Variants in ROR2 observed in about 807,000 individuals in gnomAD.
The protein encoded by ROR2 is tyrosine-protein kinase transmembrane receptor ROR2.
In ROR2, 33 loss-of-function variants were observed where a neutral mutation model predicts 74.9. The observed-to-expected ratio is 0.44, with a 90% CI of 0.33 to 0.59. ROR2 has a LOEUF of 0.59. ROR2 is among the 20% of genes least tolerant of loss of function. The probability of loss-of-function intolerance (pLI) is 0.02; values close to 1 mark genes in which losing one functional copy is unlikely to be tolerated. For synonymous variants in ROR2, 586 were observed against 558.7 expected (o/e 1.05, Z -0.69); for missense variants, 1,216 against 1,313.8 (o/e 0.93, Z 1.15).
At chr9:91,909,239 G>A (rs1830891974) in intron 1 of ROR2, among the ~76,000 whole-genome samples, 1 of 152,106 alleles carries the variant, frequency 6.6e-6, no homozygotes, top group South Asian at 2.1e-4. Flanking sequence ...TCAGGAGTGG[G>A]GTGCATGATG....
Position 91,724,210 on chromosome 9 carries a change from A to C in ROR2, c.2284T>G (p.Ser762Ala). 6.2e-7 allele frequency: 1 copy of C among 1,613,184 alleles called. No homozygotes were observed. The change falls in exon 9 of 9, where the codon TCG (serine) becomes GCG (alanine). Residue 762 changes from serine to alanine, a missense_variant. Transcript: ENST00000375708. ...LSNYNSSAQT[S>A]GASNTTQTSS... is the part of the protein sequence containing the mutation. ...GTCTGCGTGGTGTTGCTGGCCCCCG[A>C]GGTCTGCGCCGAGCTGTTGTAGTTG...
chr9:91,758,530 T>G (rs1481687097), intron 2 of ROR2, among the ~76,000 whole-genome samples: 1 of 152,168 alleles, frequency 6.6e-6, no homozygotes, highest in Admixed American at 6.5e-5. Flanking sequence ...GAGGGGGAGC[T>G]GAAGGCTTTG....
chr9:91,917,544 G>T (rs1831167229), intron 1 of ROR2, among the ~76,000 whole-genome samples: 4 of 152,196 alleles, frequency 2.6e-5, no homozygotes, highest in Admixed American at 2.6e-4. Context: ...AAAAGGAAAT[G>T]TGCTAGAAAC....
In ROR2 at chr9:91,950,084, T is replaced by G. The variant is rs555789981; in HGVS notation, c.-121A>C. On this transcript the variant is annotated 5_prime_UTR_variant, in exon 1 of 9. Coordinates refer to ENST00000375708, the MANE Select transcript of ROR2 (RefSeq NM_004560.4). ...TTCTCCCTGGCGCTTCGCAAACGGG[T>G]CCACTTCGAGGACCTCGTCGTCGTC... is the stretch of plus-strand genomic sequence containing the variant. The G allele has an allele frequency of 9.2e-5, 44 of 477,162 alleles. No homozygotes were observed. Among genetic ancestry groups the G allele is most frequent in the African/African-American group, 7.9e-4 (38 of 48,180 alleles). The allele number at this position is 477,162 out of a possible 1,614,324, so 29.6% of individuals were successfully genotyped here. A position where few individuals can be genotyped will look rare whatever the true frequency, so the allele number is the denominator to read the frequency against.
intron 1 of ROR2, among the ~76,000 whole-genome samples, chr9:91,931,848 A>G (rs1003876000): frequency 1.3e-5 from 2 of 152,274 alleles, no homozygotes; most frequent in African/African-American, 4.8e-5. Context: ...GGGACAATTT[A>G]TAGCCTTAAG....
intron 1 of ROR2, among the ~76,000 whole-genome samples, chr9:91,917,281 A>AT (rs1341650814): frequency 6.6e-6 from 1 of 152,174 alleles, no homozygotes; most frequent in East Asian, 1.9e-4. Context: ...ACTTTGGCCA[A>AT]TACCATCTAA....
At chr9:91,726,416 A>G in intron 8 of ROR2, 125 bp downstream of exon 8, 3 of 951,746 alleles carry the variant, frequency 3.2e-6, no homozygotes, top group Non-Finnish European at 3.3e-6. Context: ...GGCAAAATGA[A>G]GCGGAGTTTA....
chr9:91,750,457 G>C, intron 4 of ROR2, among the ~76,000 whole-genome samples: 1 of 152,088 alleles, frequency 6.6e-6, no homozygotes, highest in East Asian at 1.9e-4. Context: ...CGTGGAAAAC[G>C]CACAGCCTCT....
intron 6 of ROR2, among the ~76,000 whole-genome samples, 193 bp from the exon 7 acceptor site, chr9:91,731,348 G>C (rs1837238386): frequency 6.6e-6 from 1 of 152,178 alleles, no homozygotes; most frequent in Admixed American, 6.5e-5. Flanking sequence ...GATAGGCATG[G>C]GGAAGGAAAC....
At chr9:91,816,878 G>A (rs1827957975) in intron 1 of ROR2, among the ~76,000 whole-genome samples, 1 of 152,106 alleles carries the variant, frequency 6.6e-6, no homozygotes, top group African/African-American at 2.4e-5. Flanking sequence ...CAAGACACTT[G>A]GAGAGAAAGA....
At chr9:91,821,932 T>C (rs577973451) in intron 1 of ROR2, among the ~76,000 whole-genome samples, 4 of 152,260 alleles carry the variant, frequency 2.6e-5, no homozygotes, top group Admixed American at 1.3e-4. Flanking sequence ...GCTGAATGTA[T>C]GTTTAGTGAA....
At position 91,925,466 on chromosome 9, in the gene ROR2, A is replaced by ATGTGTGTGTGTGTGTGTGTG. The variant is rs35012954; in HGVS notation, c.97+24381_97+24400dup. ...CCTGACAATGCTGTCAGCTGCCTGT[A>ATGTGTGTGTGTGTGTGTGTG]TGTGTGTGTGTGTGTGTGTGTGTGT... On this transcript the variant is annotated intron_variant, in intron 1 of 8. Transcript: ENST00000375708. 5.0e-4 allele frequency among the ~76,000 whole-genome samples: 73 copies of ATGTGTGTGTGTGTGTGTGTG among 144,616 alleles called. 2 individuals are homozygous for ATGTGTGTGTGTGTGTGTGTG. Among genetic ancestry groups the ATGTGTGTGTGTGTGTGTGTG allele is most frequent in the Admixed American group, 4.4e-3 (65 of 14,690 alleles). 94.9% of individuals were successfully genotyped at this position (144,616 alleles called of 152,430 possible).
At chr9:91,936,056 C>T (rs995997255) in intron 1 of ROR2, among the ~76,000 whole-genome samples, 3 of 152,228 alleles carry the variant, frequency 2.0e-5, no homozygotes, top group African/African-American at 4.8e-5. Context: ...CACTGACCAG[C>T]GCTGAGGGCC....
intron 1 of ROR2, among the ~76,000 whole-genome samples, chr9:91,920,233 G>A (rs1006818860): frequency 4.6e-5 from 7 of 152,196 alleles, no homozygotes; most frequent in African/African-American, 1.2e-4. Context: ...ATGGCCGGGC[G>A]TAGTGGCTCA....
At chr9:91,783,506 G>A (rs1456481482) in intron 1 of ROR2, among the ~76,000 whole-genome samples, 1 of 152,074 alleles carries the variant, frequency 6.6e-6, no homozygotes, top group African/African-American at 2.4e-5. Flanking sequence ...CCTCCCTTCT[G>A]AGGCCAACTC....
rs1471976261 is a variant in ROR2, at chr9:91,733,704, G to A, written c.623-268C>T. On this transcript the variant is annotated intron_variant, in intron 5 of 8. Coordinates refer to ENST00000375708, the MANE Select transcript of ROR2 (RefSeq NM_004560.4). The surrounding 1 kb of genome is among the most constrained non-coding windows in gnomAD (Gnocchi z 5.7). ...GCCTCACTTAGAAACATCAGAAGCA[G>A]AACAAGAAAGAAGGAAAACTCGGCC... is the stretch of plus-strand genomic sequence containing the variant. Among the ~76,000 whole-genome samples the A allele has an allele frequency of 2.0e-5, 3 of 152,054 alleles. No homozygotes were observed. The highest frequency in any genetic ancestry group is 4.4e-5 in the Non-Finnish European group (3 of 68,034).
Position 91,757,538 on chromosome 9 carries a change from T to G in ROR2, c.197A>C (p.Glu66Ala). Reference sequence around the variant, plus strand: ...GACAATGGTGATATTGTTTACTGGCTCCAGAAAATTCAGAAAGTAACCTGC... The same window carrying G: ...GACAATGGTGATATTGTTTACTGGCGCCAGAAAATTCAGAAAGTAACCTGC... ...TLKGYFLNFL[E>A]PVNNITIVQG... is the part of the protein sequence containing the mutation. Residue 66 changes from glutamate (E) to alanine (A), a missense_variant, in exon 3 of 9, where the codon GAG (glutamate) becomes GCG (alanine). By Grantham distance (107) the Glu-to-Ala change is moderately radical. Coordinates refer to ENST00000375708, the MANE Select transcript of ROR2 (RefSeq NM_004560.4). The G allele has an allele frequency of 6.2e-7, 1 of 1,613,568 alleles. No homozygotes were observed. The highest frequency in any genetic ancestry group is 8.5e-7 in the Non-Finnish European group (1 of 1,179,916).
At chr9:91,895,196 A>G (rs1425247839) in intron 1 of ROR2, among the ~76,000 whole-genome samples, 2 of 152,254 alleles carry the variant, frequency 1.3e-5, no homozygotes, top group Admixed American at 6.5e-5. Context: ...GATTCCAACT[A>G]TAAGACATCT....
chr9:91,735,964 C>T (rs1825009805), intron 5 of ROR2, among the ~76,000 whole-genome samples: 1 of 152,074 alleles, frequency 6.6e-6, no homozygotes, highest in South Asian at 2.1e-4. Flanking sequence ...CCAAGTGCAC[C>T]GCTTTTACGA....
Sources: gnomAD v4.1 joint callset for allele counts (sites outside exome capture counted in the v4.1 genomes callset) on GRCh38, gnomAD v4.1.1 for gene constraint, Gnocchi (gnomAD v3.1) non-coding constraint, MANE v1.5 for transcripts, NCBI Gene and HGNC (gene_info 2026-07-23, HGNC 2026-07-21) for gene names.